Variants in NRXN3 observed in about 807,000 individuals in gnomAD.
NRXN3 encodes the protein neurexin III.
Under a neutral mutation model 137.6 loss-of-function variants are expected in NRXN3, and 32 were observed. The ratio of observed to expected loss-of-function variants is 0.23; its 90% CI spans 0.18 to 0.31. The LOEUF is 0.31. Ranked by LOEUF, NRXN3 falls within the 10% of genes least tolerant of loss-of-function variation. The probability of loss-of-function intolerance (pLI) is 1.00; values close to 1 mark genes in which losing one functional copy is unlikely to be tolerated. For missense variants in NRXN3, 1,574 were observed against 2,062.5 expected, an observed-to-expected ratio of 0.76 and a Z score of 4.59; for synonymous variants, 798 against 784.5, an observed-to-expected ratio of 1.02 and a Z score of -0.29.
At chr14:78,505,797 A>AT (rs11379720) in intron 4 of NRXN3, among the ~76,000 whole-genome samples, 62,977 of 151,868 alleles carry the variant, frequency 0.41, 13,239 homozygotes, top group East Asian at 0.5. Context: ...GAAAATCTAT[A>AT]TTTTTTGAAA....
At chr14:79,706,676 G>A (rs1287285400) in intron 19 of NRXN3, among the ~76,000 whole-genome samples, 3 of 151,924 alleles carry the variant, frequency 2.0e-5, no homozygotes, top group Non-Finnish European at 2.9e-5. Flanking sequence ...TCCTAGTGAG[G>A]CCCACTCCCC....
At chr14:79,529,265 G>A (rs1341720709) in intron 16 of NRXN3, among the ~76,000 whole-genome samples, 4 of 152,162 alleles carry the variant, frequency 2.6e-5, no homozygotes, top group Admixed American at 2.6e-4. Flanking sequence ...CCGGTGGTCA[G>A]AGAGAAACAG....
chr14:79,802,773 T>C (rs1238598645), intron 19 of NRXN3, among the ~76,000 whole-genome samples: 2 of 152,192 alleles, frequency 1.3e-5, no homozygotes, highest in African/African-American at 4.8e-5. Context: ...ATGCTTACCA[T>C]GTCTCTAACA....
intron 4 of NRXN3, among the ~76,000 whole-genome samples, chr14:78,309,069 A>G (rs926096114): frequency 6.6e-6 from 1 of 152,138 alleles, no homozygotes; most frequent in African/African-American, 2.4e-5. Context: ...CCTCTTGCTT[A>G]TTAAACCTAG....
chr14:78,391,872 T>C (rs1159319517), intron 4 of NRXN3, among the ~76,000 whole-genome samples: 2 of 152,146 alleles, frequency 1.3e-5, no homozygotes, highest in Non-Finnish European at 2.9e-5. Flanking sequence ...GAAAAATGCT[T>C]CTAGTATTAT....
At chr14:78,186,010 G>T (rs1016163350) in intron 1 of NRXN3, among the ~76,000 whole-genome samples, 1 of 152,184 alleles carries the variant, frequency 6.6e-6, no homozygotes, top group Non-Finnish European at 1.5e-5. Context: ...TAGAACTCCA[G>T]GGGTGGTAAT....
At chr14:79,057,570 T>C (rs967889098) in intron 15 of NRXN3, among the ~76,000 whole-genome samples, 8 of 152,276 alleles carry the variant, frequency 5.3e-5, no homozygotes, top group African/African-American at 1.9e-4. Context: ...AACTGGTAGA[T>C]TTTAGAATGA....
intron 15 of NRXN3, among the ~76,000 whole-genome samples, chr14:79,408,474 G>A (rs1359910834): frequency 6.6e-6 from 1 of 152,056 alleles, no homozygotes; most frequent in Non-Finnish European, 1.5e-5. Context: ...TCAGTGCTCT[G>A]TGAATTTGTA....
intron 2 of NRXN3, among the ~76,000 whole-genome samples, chr14:78,251,168 G>A (rs1050613072): frequency 6.6e-6 from 1 of 152,164 alleles, no homozygotes; most frequent in African/African-American, 2.4e-5. Context: ...CCAGGTACCA[G>A]GCAATGCCCA....
intron 8 of NRXN3, among the ~76,000 whole-genome samples, chr14:78,760,790 T>G (rs1488286426): frequency 1.3e-5 from 2 of 152,088 alleles, no homozygotes; most frequent in Non-Finnish European, 2.9e-5. Flanking sequence ...ATATTTCTTC[T>G]CATGAGCCCT....
At chr14:78,514,516 G>T (rs976214562) in intron 4 of NRXN3, among the ~76,000 whole-genome samples, 35 of 152,138 alleles carry the variant, frequency 2.3e-4, no homozygotes, top group African/African-American at 7.0e-4. Context: ...AATTTTGCCT[G>T]TAATGGTTTC....
At chr14:78,767,745 A>G (rs370068189) in intron 8 of NRXN3, among the ~76,000 whole-genome samples, 2 of 152,160 alleles carry the variant, frequency 1.3e-5, no homozygotes, top group African/African-American at 4.8e-5. Context: ...AAGACAACAC[A>G]CTAGACAGAA....
chr14:79,453,373 C>A (rs541049221), intron 15 of NRXN3, among the ~76,000 whole-genome samples: 1 of 152,088 alleles, frequency 6.6e-6, no homozygotes, highest in Admixed American at 6.6e-5. Context: ...GGTTCAAATA[C>A]GCTAAGAGAA....
intron 19 of NRXN3, among the ~76,000 whole-genome samples, chr14:79,775,524 C>T (rs1034911580): frequency 6.8e-6 from 1 of 147,128 alleles, no homozygotes; most frequent in African/African-American, 2.5e-5. Flanking sequence ...AAATCAGGTG[C>T]CTGGACTCTA....
chr14:78,372,713 G>C (rs1260882828), intron 4 of NRXN3, among the ~76,000 whole-genome samples: 1 of 152,188 alleles, frequency 6.6e-6, no homozygotes, highest in Non-Finnish European at 1.5e-5. Flanking sequence ...CATGTTATTA[G>C]AATGATTTGA....
intron 10 of NRXN3, among the ~76,000 whole-genome samples, chr14:78,921,335 T>C (rs1421903352): frequency 2.0e-5 from 3 of 152,202 alleles, no homozygotes; most frequent in Non-Finnish European, 2.9e-5. Context: ...AACTTCAAGT[T>C]AGGCAAACTC....
At position 79,155,322 on chromosome 14, in the gene NRXN3, A is replaced by G. The variant is rs374803779; in HGVS notation, c.3262+167181A>G. 9.9e-5 allele frequency among the ~76,000 whole-genome samples: 15 copies of G among 152,040 alleles called. No individual in the cohort carries two copies. In the East Asian group the frequency reaches 2.3e-3, roughly 24 times the overall value. On this transcript the variant is annotated intron_variant, in intron 15 of 20. Transcript: ENST00000335750. The stretch of plus-strand genomic sequence containing the variant: ...ACATATTAAACAAAATGATAGATAA[A>G]ATGTAGATTATATAAGAACCTATGT...
intron 19 of NRXN3, among the ~76,000 whole-genome samples, chr14:79,778,571 G>C (rs904663100): frequency 3.9e-5 from 6 of 152,160 alleles, no homozygotes; most frequent in African/African-American, 1.4e-4. Context: ...TTCACATTAA[G>C]TAATGGAGTA....
At chr14:79,530,827 C>G (rs1198192294) in intron 16 of NRXN3, among the ~76,000 whole-genome samples, 1 of 152,146 alleles carries the variant, frequency 6.6e-6, no homozygotes, top group Non-Finnish European at 1.5e-5. Flanking sequence ...TGAATAGGTA[C>G]AGCATTATCA....
Sources: gnomAD v4.1 joint callset for allele counts (sites outside exome capture counted in the v4.1 genomes callset) on GRCh38, gnomAD v4.1.1 for gene constraint, MANE v1.5 for transcripts, NCBI Gene and HGNC (gene_info 2026-07-23, HGNC 2026-07-21) for gene names.